SYNE2: variants seen among roughly 807,000 people sequenced by gnomAD.
SYNE2 encodes nesprin-2.
Under a neutral mutation model 856.3 loss-of-function variants are expected in SYNE2, and 431 were observed. The ratio of observed to expected loss-of-function variants is 0.50; its 90% CI spans 0.47 to 0.55. The LOEUF is 0.55. Ranked by LOEUF, SYNE2 falls within the 20% of genes least tolerant of loss-of-function variation. The pLI is 0.00. For synonymous variants in SYNE2, 2,923 were observed against 2,872.3 expected (o/e 1.02, Z -0.56); for missense variants, 8,129 against 8,023.2 (o/e 1.01, Z -0.50).
chr14:63,956,276 C>A (rs991374564), intron 8 of SYNE2, among the ~76,000 whole-genome samples: 1 of 152,048 alleles, frequency 6.6e-6, no homozygotes, highest in Admixed American at 6.5e-5. Context: ...CATACAGATA[C>A]AATAGACAGA....
rs985505272 is a variant in SYNE2 at position 63,869,653 on chromosome 14, A to C, written c.-52+16510A>C. ...CTTTGTCTCAAAAAAAAAAAAAAAA[A>C]AAAAAACTGCTCCCAATAAATAATT... On this transcript the variant is annotated intron_variant, in intron 1 of 115. Coordinates refer to ENST00000555002, the MANE Select transcript of SYNE2 (RefSeq NM_182914.3). Among the ~76,000 whole-genome samples, 7 of 151,442 alleles carry C rather than the reference A, an allele frequency of 4.6e-5. 1 individual carries two copies. Among genetic ancestry groups the C allele is most frequent in the East Asian group, 3.9e-4 (2 of 5,158 alleles).
At chr14:63,928,167 A>G (rs950494638) in intron 2 of SYNE2, among the ~76,000 whole-genome samples, 2 of 152,108 alleles carry the variant, frequency 1.3e-5, no homozygotes, top group African/African-American at 4.8e-5. Flanking sequence ...GTGGTAGGTT[A>G]TATTTGAGAA....
chr14:64,008,803 G>A (rs1253503661), intron 31 of SYNE2, among the ~76,000 whole-genome samples: 2 of 152,112 alleles, frequency 1.3e-5, no homozygotes, highest in East Asian at 1.9e-4. Flanking sequence ...CTTTGTTTCC[G>A]CATGTGGTTC....
chr14:64,165,625 G>C (rs1234400578), intron 90 of SYNE2, among the ~76,000 whole-genome samples: 2 of 151,582 alleles, frequency 1.3e-5, no homozygotes, highest in Non-Finnish European at 2.9e-5. Flanking sequence ...CCATTCTCCT[G>C]CCTCAGCCTC....
At chr14:64,108,663 TC>T (rs2097786505) in intron 65 of SYNE2, among the ~76,000 whole-genome samples, 1 of 152,138 alleles carries the variant, frequency 6.6e-6, no homozygotes, top group African/African-American at 2.4e-5. Flanking sequence ...TGTTTTTTTC[TC>T]CCAATCTTTT....
rs1239065048 is a variant in SYNE2 at position 63,948,776 on chromosome 14, G to GTATATATATATATGTATATATA, written c.409-1048_409-1047insATATATATATATGTATATATAT. ...TATATATATGTATATATATGTATGT[G>GTATATATATATATGTATATATA]TGTGTGTATATATATATATATATAT... On this transcript the variant is annotated intron_variant, in intron 6 of 115. Transcript: ENST00000555002. Among the ~76,000 whole-genome samples the GTATATATATATATGTATATATA allele has an allele frequency of 1.9e-4, 13 of 67,604 alleles. 1 individual carries two copies. Among genetic ancestry groups the GTATATATATATATGTATATATA allele is most frequent in the South Asian group, 8.0e-4 (2 of 2,504 alleles). The allele number at this position is 67,604 out of a possible 152,430, so 44.4% of individuals were successfully genotyped here. A position where few individuals can be genotyped will look rare whatever the true frequency, so the allele number is the denominator to read the frequency against.
chr14:63,888,256 GC>G (rs1454032255), intron 1 of SYNE2, among the ~76,000 whole-genome samples: 1 of 152,144 alleles, frequency 6.6e-6, no homozygotes, highest in African/African-American at 2.4e-5. Context: ...ACATGGTATT[GC>G]CCCCTCATAA....
upstream of SYNE2, among the ~76,000 whole-genome samples, chr14:63,851,663 T>C (rs2139963363): frequency 6.6e-6 from 1 of 152,300 alleles, no homozygotes; most frequent in East Asian, 1.9e-4. Context: ...ATTTTTCCCA[T>C]TAATATATGT....
intron 1 of SYNE2, among the ~76,000 whole-genome samples, chr14:63,904,995 T>C (rs529822256): frequency 1.3e-5 from 2 of 152,242 alleles, no homozygotes; most frequent in Admixed American, 1.3e-4. Context: ...TGGTGAAAGA[T>C]AAGGAAGGAT....
At position 63,948,730 on chromosome 14, in the gene SYNE2, A is replaced by ATATATATGTATATATATG. The variant is rs1566883104; in HGVS notation, c.409-1094_409-1093insATATATGTATATATATGT. 5.7e-4 allele frequency among the ~76,000 whole-genome samples: 51 copies of ATATATATGTATATATATG among 88,888 alleles called. 2 individuals carry two copies. The highest frequency in any genetic ancestry group is 1.4e-3 in the Admixed American group (10 of 6,926). 58.3% of individuals were successfully genotyped at this position (88,888 alleles called of 152,430 possible). On this transcript the variant is annotated intron_variant, in intron 6 of 115. Coordinates refer to ENST00000555002, the MANE Select transcript of SYNE2 (RefSeq NM_182914.3). ...TGTATATATATATGTGTGTATATAT[A>ATATATATGTATATATATG]TGTGTATAGATATGTGTGTGTATAT... is the stretch of plus-strand genomic sequence containing the variant.
rs59649607 is a variant in SYNE2 at position 64,219,104 on chromosome 14, G to T, written c.19658-104G>T. ...CAGGGGAATCCCCTACAGTTTTTTT[G>T]TTTTTTTTTTTTTTTTTTTTAACCA... is the stretch of plus-strand genomic sequence containing the variant. On this transcript the variant is annotated intron_variant, in intron 109 of 115. Transcript: ENST00000555002. The T allele has an allele frequency of 0.12, 47,579 of 402,552 alleles. 7,121 individuals carry two copies. Among genetic ancestry groups the T allele is most frequent in the South Asian group, 0.17 (6,656 of 38,840 alleles). The allele number at this position is 402,552 out of a possible 1,614,324, so 24.9% of individuals were successfully genotyped here. A position where few individuals can be genotyped will look rare whatever the true frequency, so the allele number is the denominator to read the frequency against.
chr14:63,974,923 T>TATG (rs1377882139), intron 11 of SYNE2, among the ~76,000 whole-genome samples: 2 of 115,994 alleles, frequency 1.7e-5, no homozygotes, highest in Non-Finnish European at 3.5e-5. Flanking sequence ...TATATGTATC[T>TATG]TGAGACAGGG....
chr14:63,914,334 C>G (rs760798089), intron 2 of SYNE2, among the ~76,000 whole-genome samples: 1 of 152,150 alleles, frequency 6.6e-6, no homozygotes, highest in Admixed American at 6.5e-5. Context: ...AAGTAGGAAT[C>G]CCTTCCGAAG....
chr14:64,122,602 T>A, intron 70 of SYNE2, 175 bp downstream of exon 70: 1 of 781,926 alleles, frequency 1.3e-6, no homozygotes, highest in Non-Finnish European at 2.1e-6. Flanking sequence ...CCTTTGTGCT[T>A]CTGTAGCACC....
chr14:63,991,102 T>C lies in SYNE2; in HGVS notation c.2633T>C (p.Ile878Thr), dbSNP rs1258008843. ...LGQRESPGELISKHKEALIIS... is the reference protein window; with the variant it reads ...LGQRESPGELTSKHKEALIIS... Reference sequence around the variant, plus strand: ...CAAAGAGAGAGCCCCGGTGAACTCATTTCAAAACACAAGGTGGGAATCTTT... The same window carrying C: ...CAAAGAGAGAGCCCCGGTGAACTCACTTCAAAACACAAGGTGGGAATCTTT... The change falls in exon 21 of 116, where the codon ATT becomes ACT. Residue 878 changes from isoleucine to threonine, a missense_variant. By Grantham distance (89) the Ile-to-Thr change is moderately conservative (BLOSUM62 -1). Transcript: ENST00000555002. 9 of 1,614,088 alleles carry C rather than the reference T, an allele frequency of 5.6e-6. No homozygotes were observed. Among genetic ancestry groups the C allele is most frequent in the South Asian group, 1.1e-5 (1 of 91,074 alleles).
At chr14:64,143,138 C>T (rs1482489851) in intron 82 of SYNE2, among the ~76,000 whole-genome samples, 3 of 152,222 alleles carry the variant, frequency 2.0e-5, no homozygotes, top group Non-Finnish European at 4.4e-5. Context: ...CAACCTAGCA[C>T]ATACCACATG....
rs1466708194 is a variant in SYNE2, at chr14:64,210,939, G to GTC, written c.18723+824_18723+825dup. 4.6e-5 allele frequency among the ~76,000 whole-genome samples: 7 copies of GTC among 151,340 alleles called. No individual in the cohort carries two copies. In the East Asian group the frequency reaches 1.2e-3, roughly 25 times the overall value. On this transcript the variant is annotated intron_variant, in intron 103 of 115. Transcript: ENST00000555002. ...TCTTTCTGTCTCTCTCTCCCTTCCT[G>GTC]TCTCTCTCTCCTTTCCTGTCTCTCC...
At chr14:63,790,278 G>C (rs930593260) in intron 1 of SYNE2, among the ~76,000 whole-genome samples, 1 of 151,936 alleles carries the variant, frequency 6.6e-6, no homozygotes, top group African/African-American at 2.4e-5. Context: ...GGAGGCTACA[G>C]GGAGCTGTGA....
At chr14:63,832,375 A>G (rs1397861875) in intron 1 of SYNE2, among the ~76,000 whole-genome samples, 1 of 151,812 alleles carries the variant, frequency 6.6e-6, no homozygotes, top group Non-Finnish European at 1.5e-5. Flanking sequence ...TCCTGGGCTC[A>G]AGTGATCCTC....
Sources: gnomAD v4.1 joint callset for allele counts (sites outside exome capture counted in the v4.1 genomes callset) on GRCh38, gnomAD v4.1.1 for gene constraint, MANE v1.5 for transcripts, NCBI Gene and HGNC (gene_info 2026-07-23, HGNC 2026-07-21) for gene names.